Variants in UVRAG observed in about 807,000 individuals in gnomAD.
UVRAG encodes UV radiation resistance associated.
In UVRAG, 19 loss-of-function variants were observed where a neutral mutation model predicts 78.0. That is an observed-to-expected ratio of 0.24 (90% CI 0.17 to 0.36). The LOEUF is 0.36. Among genes scored for constraint, UVRAG ranks in the 10% least tolerant of loss-of-function variants. The probability of loss-of-function intolerance (pLI) is 1.00; values close to 1 mark genes in which losing one functional copy is unlikely to be tolerated. For synonymous variants in UVRAG, 323 were observed against 324.6 expected (o/e 1.00, Z 0.05); for missense variants, 740 against 853.8 (o/e 0.87, Z 1.66).
chr11:75,983,845 T>C (rs1245339318), intron 8 of UVRAG: 2 of 181,228 alleles, frequency 1.1e-5, no homozygotes, highest in East Asian at 1.4e-4. Flanking sequence ...AAGCATAGAA[T>C]AAAAATACTA....
At chr11:76,130,440 G>C (rs1489238054) in intron 14 of UVRAG, among the ~76,000 whole-genome samples, 1 of 152,152 alleles carries the variant, frequency 6.6e-6, no homozygotes, top group East Asian at 1.9e-4. Context: ...TGAATAAGGG[G>C]GTAAATCAAT....
At chr11:76,070,408 A>G (rs189398639) in intron 13 of UVRAG, among the ~76,000 whole-genome samples, 36 of 152,284 alleles carry the variant, frequency 2.4e-4, no homozygotes, top group Admixed American at 7.8e-4. Flanking sequence ...AGTTAGTAAT[A>G]TTGTATTGTG....
rs1174223938 is a variant in UVRAG, at chr11:75,867,947, A to G, written c.270+6167A>G. Among the ~76,000 whole-genome samples, 3 of 151,938 alleles carry G rather than the reference A, an allele frequency of 2.0e-5. No homozygotes were observed. The East Asian group carries it at 5.8e-4, about 29-fold the overall frequency. Reference sequence around the variant, plus strand: ...TACTTTTAAGGGTGTGCGTGTAGATACAATGACACTGGATGACTGCCACCT... The same window carrying G: ...TACTTTTAAGGGTGTGCGTGTAGATGCAATGACACTGGATGACTGCCACCT... On this transcript the variant is annotated intron_variant, in intron 3 of 14. Transcript: ENST00000356136.
intron 6 of UVRAG, 77 bp downstream of exon 6, chr11:75,912,116 A>C (rs1175543877): frequency 9.0e-7 from 1 of 1,106,892 alleles, no homozygotes; most frequent in Non-Finnish European, 1.4e-6. Flanking sequence ...AATGTGAGAA[A>C]ATTAACGGAA....
At chr11:76,045,390 C>G (rs911351334) in intron 12 of UVRAG, among the ~76,000 whole-genome samples, 1 of 152,092 alleles carries the variant, frequency 6.6e-6, no homozygotes, top group East Asian at 1.9e-4. Flanking sequence ...CTCTTTAGTG[C>G]CTTGCTTTTA....
intron 14 of UVRAG, among the ~76,000 whole-genome samples, chr11:76,140,256 C>T (rs1039755278): frequency 6.6e-6 from 1 of 151,514 alleles, no homozygotes; most frequent in Admixed American, 6.6e-5. Flanking sequence ...ATGGGCAAGT[C>T]ATGTAAATTC....
At chr11:75,933,409 A>G (rs1334066025) in intron 6 of UVRAG, among the ~76,000 whole-genome samples, 2 of 152,234 alleles carry the variant, frequency 1.3e-5, no homozygotes, top group Non-Finnish European at 2.9e-5. Flanking sequence ...AACTATTAAA[A>G]GAAAATATTG....
rs532585574 is a variant in UVRAG, at chr11:75,872,028, A to T, written c.271-7851A>T. ...CCCGAACAAGTATTGGAGTCTTTTT[A>T]AAAAAATTGATGGGATATATTTGAT... is the stretch of plus-strand genomic sequence containing the variant. On this transcript the variant is annotated intron_variant, in intron 3 of 14. Coordinates refer to ENST00000356136, the MANE Select transcript of UVRAG (RefSeq NM_003369.4). Among the ~76,000 whole-genome samples the T allele has an allele frequency of 3.3e-5, 5 of 152,294 alleles. No individual in the cohort carries two copies. The South Asian group carries it at 1.0e-3, about 32-fold the overall frequency.
intron 13 of UVRAG, among the ~76,000 whole-genome samples, chr11:76,105,847 A>G (rs573976258): frequency 7.0e-4 from 106 of 152,366 alleles, no homozygotes; most frequent in African/African-American, 2.4e-3. Flanking sequence ...TCAAGTGCTG[A>G]TAACAGTACA....
chr11:75,924,667 C>T (rs1027326528), intron 6 of UVRAG, among the ~76,000 whole-genome samples: 13 of 152,064 alleles, frequency 8.5e-5, no homozygotes, highest in African/African-American at 2.2e-4. Context: ...GGATTACAGG[C>T]GGGAGCCACC....
intron 6 of UVRAG, among the ~76,000 whole-genome samples, chr11:75,943,495 G>C (rs1042375720): frequency 2.0e-5 from 3 of 151,960 alleles, no homozygotes; most frequent in Non-Finnish European, 4.4e-5. Flanking sequence ...AAATGCACAT[G>C]GATAGTATTA....
intron 8 of UVRAG, among the ~76,000 whole-genome samples, chr11:75,988,006 G>A (rs1475600732): frequency 6.6e-6 from 1 of 152,150 alleles, no homozygotes; most frequent in African/African-American, 2.4e-5. Context: ...CCAAAGTGCT[G>A]CGATTACAGG....
intron 5 of UVRAG, 56 bp from the exon 6 acceptor site, chr11:75,911,898 G>A: frequency 8.8e-7 from 1 of 1,133,342 alleles, no homozygotes; most frequent in South Asian, 1.3e-5. Flanking sequence ...TGATTAATTT[G>A]TGCATATATT....
chr11:76,001,711 A>C (rs1949818006), intron 8 of UVRAG, among the ~76,000 whole-genome samples: 1 of 152,236 alleles, frequency 6.6e-6, no homozygotes, highest in Non-Finnish European at 1.5e-5. Flanking sequence ...GGTTGAAGAG[A>C]GTCCCACTGG....
rs111929076 is a variant in UVRAG, at chr11:76,072,221, G to A, written c.1305+6433G>A. Among the ~76,000 whole-genome samples, 1,072 of 152,252 alleles carry A rather than the reference G, an allele frequency of 7.0e-3. 16 individuals are homozygous for A. The highest frequency in any genetic ancestry group is 0.025 in the African/African-American group (1,025 of 41,564). ...AAAAACTGAGAGGAATGGACAGTCA[G>A]GTAGGGAGAAAATGAAGAGAGAGTA... On this transcript the variant is annotated intron_variant, in intron 13 of 14. Transcript: ENST00000356136.
chr11:76,123,765 TG>T (rs1403224180), intron 14 of UVRAG, among the ~76,000 whole-genome samples: 1 of 152,122 alleles, frequency 6.6e-6, no homozygotes, highest in East Asian at 1.9e-4. Flanking sequence ...TCAGTTGTTT[TG>T]TTTTGTTTTG....
chr11:75,857,816 C>T (rs1437867376), intron 2 of UVRAG, among the ~76,000 whole-genome samples: 5 of 151,082 alleles, frequency 3.3e-5, no homozygotes, highest in African/African-American at 1.2e-4. Flanking sequence ...CAATTCTGCT[C>T]CTTCTGAATT....
chr11:75,877,639 C>A (rs1233087048), intron 3 of UVRAG, among the ~76,000 whole-genome samples: 11 of 123,876 alleles, frequency 8.9e-5, no homozygotes, highest in East Asian at 2.8e-4. Context: ...CCGGACGGAG[C>A]GGCTGGCCAG....
At chr11:75,875,485 T>A (rs537155906) in intron 3 of UVRAG, among the ~76,000 whole-genome samples, 95 of 151,302 alleles carry the variant, frequency 6.3e-4, no homozygotes, top group Non-Finnish European at 1.1e-3. Context: ...TTTTTTTTTT[T>A]AATCAGTCTA....
Sources: gnomAD v4.1 joint callset for allele counts (sites outside exome capture counted in the v4.1 genomes callset) on GRCh38, gnomAD v4.1.1 for gene constraint, MANE v1.5 for transcripts, NCBI Gene and HGNC (gene_info 2026-07-23, HGNC 2026-07-21) for gene names.